The following MACROH2A1 variants were observed in gnomAD, a reference collection of about 807,000 sequenced individuals.
The protein encoded by MACROH2A1 is macroH2A.1 histone, also known as core histone macro-H2A.1.
Under a neutral mutation model 31.6 loss-of-function variants are expected in MACROH2A1, and 2 were observed. That is an observed-to-expected ratio of 0.06 (90% CI 0.03 to 0.20). The LOEUF is 0.20. MACROH2A1 is among the 10% of genes least tolerant of loss of function. MACROH2A1 has a pLI of 1.00. For synonymous variants in MACROH2A1, 169 were observed against 189.6 expected, an observed-to-expected ratio of 0.89 and a Z score of 0.89; for missense variants, 230 against 474.0, an observed-to-expected ratio of 0.49 and a Z score of 4.78.
At chr5:135,373,698 GAGCCCCAGA>G (rs561764771) in intron 2 of MACROH2A1, among the ~76,000 whole-genome samples, 95 of 152,120 alleles carry the variant, frequency 6.2e-4, no homozygotes, top group Non-Finnish European at 1.2e-3. Flanking sequence ...CTTTACCAAG[GAGCCCCAGA>G]ATCCAAGACT....
intron 2 of MACROH2A1, among the ~76,000 whole-genome samples, chr5:135,381,557 G>A (rs1765651836): frequency 6.6e-6 from 1 of 152,188 alleles, no homozygotes; most frequent in Non-Finnish European, 1.5e-5. Context: ...AGAGGCTGCA[G>A]TGAGCCATGA....
At chr5:135,336,406 G>A (rs1758666645) in intron 8 of MACROH2A1, among the ~76,000 whole-genome samples, 1 of 152,222 alleles carries the variant, frequency 6.6e-6, no homozygotes, top group African/African-American at 2.4e-5. Context: ...CTCAGGAGTG[G>A]AGTTCACTCT....
chr5:135,340,039 G>C (rs1276783060), intron 8 of MACROH2A1, among the ~76,000 whole-genome samples: 4 of 152,192 alleles, frequency 2.6e-5, no homozygotes, highest in Non-Finnish European at 5.9e-5. Flanking sequence ...GAGTTCCCAG[G>C]TAGTGTTTTA....
chr5:135,354,963 T>C (rs1221587532), intron 5 of MACROH2A1: 1 of 410,468 alleles, frequency 2.4e-6, no homozygotes, highest in East Asian at 7.1e-5. Flanking sequence ...TGGATGTGTA[T>C]GCTTTTAAGG....
At chr5:135,393,005 T>G (rs867180687) in intron 1 of MACROH2A1, among the ~76,000 whole-genome samples, 1 of 152,236 alleles carries the variant, frequency 6.6e-6, no homozygotes, top group African/African-American at 2.4e-5. Flanking sequence ...AAAGGCCATC[T>G]TCTTGCAGAA....
chr5:135,373,623 G>A (rs1764474564), intron 2 of MACROH2A1, among the ~76,000 whole-genome samples: 1 of 152,096 alleles, frequency 6.6e-6, no homozygotes, highest in African/African-American at 2.4e-5. Flanking sequence ...GGATAAGGAG[G>A]GGCAGAAGGA....
At chr5:135,344,533 G>C (rs1760508150) in intron 7 of MACROH2A1, 1 of 152,140 alleles carries the variant, frequency 6.6e-6, no homozygotes, top group African/African-American at 2.4e-5. Context: ...CTTTGTGACT[G>C]GGCTTGAGAA....
chr5:135,371,931 C>T (rs1764221267), intron 2 of MACROH2A1, among the ~76,000 whole-genome samples: 1 of 152,140 alleles, frequency 6.6e-6, no homozygotes, highest in South Asian at 2.1e-4. Context: ...TGACACAGGG[C>T]ATGCATTTTT....
chr5:135,352,496 A>G (rs955411720), intron 6 of MACROH2A1, among the ~76,000 whole-genome samples: 4 of 152,268 alleles, frequency 2.6e-5, no homozygotes, highest in Admixed American at 2.6e-4. Context: ...ATTGTGGACT[A>G]AAGACAGCTT....
At chr5:135,347,419 G>C (rs1760986846) in intron 6 of MACROH2A1, 1 of 152,266 alleles carries the variant, frequency 6.6e-6, no homozygotes, top group African/African-American at 2.4e-5. Context: ...TCTCAGCTGT[G>C]TCCGAGAGAG....
chr5:135,365,438 G>A (rs1157855449), intron 4 of MACROH2A1, among the ~76,000 whole-genome samples: 4 of 152,120 alleles, frequency 2.6e-5, no homozygotes, highest in Admixed American at 6.5e-5. Context: ...CACTGCCTAT[G>A]TAAAATAATA....
chr5:135,381,169 T>G (rs1051731072), intron 2 of MACROH2A1, among the ~76,000 whole-genome samples: 3 of 152,206 alleles, frequency 2.0e-5, no homozygotes, highest in African/African-American at 7.2e-5. Context: ...TGGATAACCA[T>G]GTGAAATAAA....
At chr5:135,384,974 C>T (rs562093415) in intron 2 of MACROH2A1, among the ~76,000 whole-genome samples, 9 of 152,196 alleles carry the variant, frequency 5.9e-5, no homozygotes, top group Non-Finnish European at 1.3e-4. Flanking sequence ...AAGGAGATGC[C>T]AGTTCCCTGC....
chr5:135,346,198 A>AGTT (rs1458052220), intron 6 of MACROH2A1, 141 bp from the exon 7 acceptor site: 1 of 644,694 alleles, frequency 1.6e-6, no homozygotes, highest in Admixed American at 2.4e-5. Flanking sequence ...GCCTTGGCTA[A>AGTT]GTTAATAAAG....
At position 135,369,546 on chromosome 5, in the gene MACROH2A1, A is replaced by G. The variant is rs1334702926; in HGVS notation, c.337T>C (p.Leu113=). Residue 113 remains leucine, a synonymous_variant, in exon 4 of 9, where the codon TTG becomes CTG. Transcript: ENST00000511689. The surrounding 1 kb of genome is among the most constrained non-coding windows in gnomAD (Gnocchi z 4.3). ...TTGGATCCCCGCTTCTTCGCTAGCA[A>G]CTCGGGGTGGATGTTGGGTAACACA... ...GGVLPNIHPE[L]LAKKRGSKGK... 2 of 1,613,912 alleles carry G rather than the reference A, an allele frequency of 1.2e-6. No individual in the cohort carries two copies. The highest frequency in any genetic ancestry group is 2.2e-5 in the South Asian group (2 of 91,062).
chr5:135,367,466 A>G (rs1211377909), intron 4 of MACROH2A1, among the ~76,000 whole-genome samples: 3 of 152,252 alleles, frequency 2.0e-5, no homozygotes, highest in African/African-American at 7.2e-5. Context: ...ACTAGGAGCT[A>G]AAGACACCCC....
At chr5:135,355,382 T>G (rs145650373) in intron 5 of MACROH2A1, 166 of 389,544 alleles carry the variant, frequency 4.3e-4, no homozygotes, top group African/African-American at 3.2e-3. Context: ...GAGGATTTCC[T>G]GCCAACCAAG....
chr5:135,381,053 A>G (rs985256259), intron 2 of MACROH2A1, among the ~76,000 whole-genome samples: 2 of 152,228 alleles, frequency 1.3e-5, no homozygotes. Context: ...GCAGAAAATA[A>G]AAGTCCAGAA....
chr5:135,368,235 G>C (rs1763761908), intron 4 of MACROH2A1, among the ~76,000 whole-genome samples: 1 of 152,248 alleles, frequency 6.6e-6, no homozygotes, highest in African/African-American at 2.4e-5. Flanking sequence ...AGATGTCCCT[G>C]CATGCGGGTG....
Sources: gnomAD v4.1 joint callset for allele counts (sites outside exome capture counted in the v4.1 genomes callset) on GRCh38, gnomAD v4.1.1 for gene constraint, Gnocchi (gnomAD v3.1) non-coding constraint, MANE v1.5 for transcripts, NCBI Gene and HGNC (gene_info 2026-07-23, HGNC 2026-07-21) for gene names.